GTF2E2: variants seen among roughly 807,000 people sequenced by gnomAD.
GTF2E2 encodes the protein transcription initiation factor IIE subunit beta.
Under a neutral mutation model 40.5 loss-of-function variants are expected in GTF2E2, and 21 were observed. The ratio of observed to expected loss-of-function variants is 0.52; its 90% confidence interval spans 0.37 to 0.75. The LOEUF (loss-of-function observed/expected upper bound fraction) is 0.75. GTF2E2 is among the 30% of genes least tolerant of loss of function. The pLI, the probability that GTF2E2 is intolerant of heterozygous loss-of-function variation, is 0.00. For synonymous variants in GTF2E2, 117 were observed against 121.6 expected, an observed-to-expected ratio of 0.96 and a Z score of 0.25; for missense variants, 298 against 338.4, an observed-to-expected ratio of 0.88 and a Z score of 0.94.
chr8:30,602,670 C>T (rs1829214660), intron 6 of GTF2E2, among the ~76,000 whole-genome samples: 1 of 149,860 alleles, frequency 6.7e-6, no homozygotes, highest in Non-Finnish European at 1.5e-5. Context: ...AGGAGAATTG[C>T]TTGAACCCGG....
At chr8:30,642,331 TTACTCCATAC>T (rs1179626346) in intron 2 of GTF2E2, among the ~76,000 whole-genome samples, 76 of 149,344 alleles carry the variant, frequency 5.1e-4, no homozygotes, top group African/African-American at 1.8e-3. Flanking sequence ...AAAAGAATGG[TTACTCCATAC>T]TACTCCATAA....
At chr8:30,603,759 T>C (rs1261138212) in intron 6 of GTF2E2, among the ~76,000 whole-genome samples, 4 of 152,100 alleles carry the variant, frequency 2.6e-5, no homozygotes. Flanking sequence ...GATGATCTGA[T>C]AAGAATATTT....
At chr8:30,650,716 G>C (rs532768750) in intron 2 of GTF2E2, among the ~76,000 whole-genome samples, 2 of 145,478 alleles carry the variant, frequency 1.4e-5, no homozygotes, top group Non-Finnish European at 3.0e-5. Flanking sequence ...ACGCTGTCTC[G>C]AAAGAAAACA....
At chr8:30,590,241 C>T (rs971250330) in intron 6 of GTF2E2, among the ~76,000 whole-genome samples, 1 of 152,196 alleles carries the variant, frequency 6.6e-6, no homozygotes, top group Non-Finnish European at 1.5e-5. Flanking sequence ...CTCTGAGATT[C>T]ATCCATGTTG....
intron 6 of GTF2E2, among the ~76,000 whole-genome samples, chr8:30,583,050 T>C (rs1436983217): frequency 6.6e-6 from 1 of 152,168 alleles, no homozygotes; most frequent in Non-Finnish European, 1.5e-5. Context: ...TCTACTATAA[T>C]AGGCTGGGCA....
intron 7 of GTF2E2, 33 bp downstream of exon 7, chr8:30,580,247 AG>A (rs746068812): frequency 8.8e-7 from 1 of 1,134,972 alleles, no homozygotes. Context: ...TTCCCAGGGC[AG>A]GGGATTAAGC....
At chr8:30,608,754 AGTTT>A (rs755482155) in intron 5 of GTF2E2, among the ~76,000 whole-genome samples, 17 of 152,188 alleles carry the variant, frequency 1.1e-4, no homozygotes, top group East Asian at 1.9e-4. Context: ...TGGGGTCAGG[AGTTT>A]GTTTGTTTTG....
intron 6 of GTF2E2, among the ~76,000 whole-genome samples, chr8:30,583,123 C>T (rs934644664): frequency 6.6e-6 from 1 of 152,112 alleles, no homozygotes; most frequent in African/African-American, 2.4e-5. Flanking sequence ...CATTCAAGGT[C>T]AGGAGTTCAA....
At chr8:30,627,737 A>G (rs1801330433) in intron 3 of GTF2E2, among the ~76,000 whole-genome samples, 1 of 152,210 alleles carries the variant, frequency 6.6e-6, no homozygotes, top group Non-Finnish European at 1.5e-5. Context: ...TTGAGCACCT[A>G]AATCTCTTGC....
At chr8:30,610,126 A>G (rs564828850) in intron 5 of GTF2E2, among the ~76,000 whole-genome samples, 1 of 152,260 alleles carries the variant, frequency 6.6e-6, no homozygotes, top group Admixed American at 6.5e-5. Context: ...TCTCACTCTT[A>G]CTGATTTCAA....
intron 2 of GTF2E2, among the ~76,000 whole-genome samples, chr8:30,653,202 T>C (rs1233929648): frequency 2.6e-5 from 4 of 152,322 alleles, no homozygotes; most frequent in South Asian, 2.1e-4. Context: ...CTGTATGGTA[T>C]GTAAATTAAA....
Position 30,578,659 on chromosome 8 carries a change from C to G in GTF2E2, c.*262G>C, listed in dbSNP as rs1193261208. The G allele has an allele frequency of 3.3e-6, 1 of 300,640 alleles. No individual in the cohort carries two copies. Among genetic ancestry groups the G allele is most frequent in the Non-Finnish European group, 6.2e-6 (1 of 161,200 alleles). 18.6% of individuals were successfully genotyped at this position (300,640 alleles called of 1,614,324 possible). A position where few individuals can be genotyped will look rare whatever the true frequency, so the allele number is the denominator to read the frequency against. ...GGAACCATTTAGAAGTGGAGAAAAA[C>G]ACAGCAAAGACACCTGCATGCCACG... On this transcript the variant is annotated 3_prime_UTR_variant, in exon 8 of 8. Transcript: ENST00000355904.
At chr8:30,618,564 T>C (rs1369462976) in intron 3 of GTF2E2, among the ~76,000 whole-genome samples, 1 of 152,148 alleles carries the variant, frequency 6.6e-6, no homozygotes, top group East Asian at 1.9e-4. Flanking sequence ...GTGGAGAATT[T>C]TTTTTTAAAG....
At chr8:30,590,117 G>A (rs972390830) in intron 6 of GTF2E2, among the ~76,000 whole-genome samples, 7 of 152,136 alleles carry the variant, frequency 4.6e-5, no homozygotes, top group South Asian at 2.1e-4. Context: ...CTCTCTCCAC[G>A]GGCAGCCCCT....
rs528749150 is a variant in GTF2E2 at position 30,584,163 on chromosome 8, T to A, written c.644-3767A>T. On this transcript the variant is annotated intron_variant, in intron 6 of 7. Transcript: ENST00000355904. ...CCCAGCTCTAATCACTAAGATTTCCTTCATGTTGGTTCCTATGTCCCTGAC... is the reference window on the plus strand; with the variant it reads ...CCCAGCTCTAATCACTAAGATTTCCATCATGTTGGTTCCTATGTCCCTGAC... Among the ~76,000 whole-genome samples the A allele has an allele frequency of 7.9e-5, 12 of 151,838 alleles. No homozygotes were observed. The East Asian group carries it at 2.1e-3, about 27-fold the overall frequency.
chr8:30,594,554 TAAAAAAA>T (rs1191425204), intron 6 of GTF2E2, among the ~76,000 whole-genome samples: 89 of 132,932 alleles, frequency 6.7e-4, no homozygotes, highest in Non-Finnish European at 1.3e-3. Context: ...AATGGATCTT[TAAAAAAA>T]AAAAAAAAAA....
chr8:30,641,505 G>T (rs1801829394), intron 2 of GTF2E2, among the ~76,000 whole-genome samples: 1 of 152,150 alleles, frequency 6.6e-6, no homozygotes, highest in Non-Finnish European at 1.5e-5. Context: ...CGAGACTACA[G>T]GCGCAGGCTA....
chr8:30,656,532 G>T (rs1410810600), intron 1 of GTF2E2, among the ~76,000 whole-genome samples: 1 of 152,210 alleles, frequency 6.6e-6, no homozygotes, highest in East Asian at 1.9e-4. Flanking sequence ...AAATAGGCCG[G>T]GCGCAGCGGC....
intron 5 of GTF2E2, among the ~76,000 whole-genome samples, chr8:30,609,382 G>GA (rs1829419802): frequency 6.6e-6 from 1 of 150,976 alleles, no homozygotes; most frequent in Admixed American, 6.6e-5. Context: ...CCCAAAATTT[G>GA]AAAAAAATCC....
Sources: allele counts gnomAD v4.1 joint callset (sites outside exome capture counted in the v4.1 genomes callset), GRCh38; gene constraint gnomAD v4.1.1; transcripts MANE v1.5; gene names NCBI Gene and HGNC (gene_info 2026-07-23, HGNC 2026-07-21).